The following SPAG16 variants were observed in gnomAD, a reference collection of about 807,000 sequenced individuals.
SPAG16 encodes the protein sperm-associated antigen 16 protein.
SPAG16 carries 86 observed loss-of-function variants against 80.4 expected under a neutral mutation model. That is an observed-to-expected ratio of 1.07 (90% CI 0.90 to 1.28). The LOEUF (loss-of-function observed/expected upper bound fraction) is 1.28, where lower values mean the gene tolerates loss of function less well. Ranked by LOEUF, SPAG16 falls within the 50% of genes most tolerant of loss-of-function variation. SPAG16 has a pLI of 0.00. For missense variants in SPAG16, 870 were observed against 765.3 expected, an observed-to-expected ratio of 1.14 and a Z score of -1.61; for synonymous variants, 294 against 265.9, an observed-to-expected ratio of 1.11 and a Z score of -1.03.
rs79695387 is a variant in SPAG16, at chr2:214,004,900, A to T, written c.1401-9051A>T. On this transcript the variant is annotated intron_variant, in intron 12 of 15. Transcript: ENST00000331683. ...ATATTTGTGATTACAAATATATTTTATTAAATAGGCAAATTCGCAAATATG... is the reference window on the plus strand; with the variant it reads ...ATATTTGTGATTACAAATATATTTTTTTAAATAGGCAAATTCGCAAATATG... 9.0e-3 allele frequency among the ~76,000 whole-genome samples: 1,363 copies of T among 152,278 alleles called. 32 individuals are homozygous for T. Among genetic ancestry groups the T allele is most frequent in the East Asian group, 0.084 (434 of 5,170 alleles).
rs778318735 is a variant in SPAG16, at chr2:213,296,015, A to G, written c.137-49A>G. ...TGAAGGTCAAATCAATTTTTGTGCAATAATTTTATTCTATATTTTTTGAGA... is the reference window on the plus strand; with the variant it reads ...TGAAGGTCAAATCAATTTTTGTGCAGTAATTTTATTCTATATTTTTTGAGA... On this transcript the variant is annotated intron_variant, in intron 1 of 15. Coordinates refer to ENST00000331683, the MANE Select transcript of SPAG16 (RefSeq NM_024532.5). 18 of 1,528,974 alleles carry G rather than the reference A, an allele frequency of 1.2e-5. No homozygotes were observed. In the African/African-American group the frequency reaches 1.5e-4, roughly 13 times the overall value. 94.7% of individuals were successfully genotyped at this position (1,528,974 alleles called of 1,614,324 possible).
At chr2:214,247,231 T>A (rs558959464) in intron 15 of SPAG16, among the ~76,000 whole-genome samples, 1 of 152,292 alleles carries the variant, frequency 6.6e-6, no homozygotes, top group Non-Finnish European at 1.5e-5. Context: ...GCGACTGAGA[T>A]GATATATTCC....
chr2:214,184,877 A>T (rs1455292716), intron 15 of SPAG16, among the ~76,000 whole-genome samples: 1 of 152,120 alleles, frequency 6.6e-6, no homozygotes, highest in Non-Finnish European at 1.5e-5. Context: ...TTCAAAATAA[A>T]GTCTTCACTA....
At chr2:214,261,615 TA>T (rs1691182947) in intron 15 of SPAG16, among the ~76,000 whole-genome samples, 1 of 152,234 alleles carries the variant, frequency 6.6e-6, no homozygotes, top group Admixed American at 6.5e-5. Flanking sequence ...ATTTGCCCTT[TA>T]TACATTTATT....
chr2:213,470,048 C>G (rs748783745), intron 9 of SPAG16, among the ~76,000 whole-genome samples: 2 of 152,134 alleles, frequency 1.3e-5, no homozygotes, highest in African/African-American at 2.4e-5. Flanking sequence ...GTGCCACTTC[C>G]ACTTCCACCC....
At chr2:213,500,365 C>A (rs1467577890) in intron 10 of SPAG16, among the ~76,000 whole-genome samples, 1 of 152,014 alleles carries the variant, frequency 6.6e-6, no homozygotes, top group Admixed American at 6.5e-5. Flanking sequence ...TTCAATAAGA[C>A]CACCAATAGG....
At chr2:213,689,072 G>C (rs575036494) in intron 10 of SPAG16, among the ~76,000 whole-genome samples, 1 of 152,276 alleles carries the variant, frequency 6.6e-6, no homozygotes. Context: ...CAATTCTCCT[G>C]CCTCAGCCTC....
At chr2:213,768,072 G>A (rs2069035869) in intron 10 of SPAG16, among the ~76,000 whole-genome samples, 1 of 151,912 alleles carries the variant, frequency 6.6e-6, no homozygotes, top group Non-Finnish European at 1.5e-5. Flanking sequence ...ATTATGTAAA[G>A]AAAATAAAAA....
In SPAG16 at chr2:213,284,611, A is replaced by T; in HGVS notation, c.128A>T (p.Tyr43Phe). 1 of 1,609,362 alleles carries T rather than the reference A, an allele frequency of 6.2e-7. No individual in the cohort carries two copies. Among genetic ancestry groups the T allele is most frequent in the Non-Finnish European group, 8.5e-7 (1 of 1,178,710 alleles). The stretch of plus-strand genomic sequence containing the variant: ...GCGGTGGCGGCTGAGGGCGCCTACT[A>T]CCTGGAACGTATCCTTCCCGTGGAG... ...ADAVAAEGAY[Y>F]LEQVTITEAS... The change falls in exon 1 of 16, where the codon TAC becomes TTC. Residue 43 changes from tyrosine to phenylalanine, a missense_variant. Tyr to Phe is a conservative substitution (Grantham distance 22). Coordinates refer to ENST00000331683, the MANE Select transcript of SPAG16 (RefSeq NM_024532.5).
intron 10 of SPAG16, among the ~76,000 whole-genome samples, chr2:213,764,833 T>A (rs1047827600): frequency 1.2e-4 from 18 of 152,220 alleles, no homozygotes; most frequent in African/African-American, 4.1e-4. Flanking sequence ...CATCTTGAAA[T>A]CATTTATAAT....
intron 15 of SPAG16, among the ~76,000 whole-genome samples, chr2:214,386,962 T>C (rs1267205465): frequency 6.6e-6 from 1 of 152,086 alleles, no homozygotes; most frequent in Non-Finnish European, 1.5e-5. Context: ...AACAGTCATA[T>C]ACAGGCACAC....
chr2:214,075,771 T>C (rs1319158934), intron 13 of SPAG16, among the ~76,000 whole-genome samples: 1 of 152,176 alleles, frequency 6.6e-6, no homozygotes, highest in Non-Finnish European at 1.5e-5. Flanking sequence ...TCAGTATACA[T>C]TTTTGTAGCG....
chr2:213,626,160 T>C (rs2061953873), intron 10 of SPAG16, among the ~76,000 whole-genome samples: 1 of 152,058 alleles, frequency 6.6e-6, no homozygotes, highest in African/African-American at 2.4e-5. Flanking sequence ...CAAAAAAGTG[T>C]GTTTGGAAGT....
At chr2:213,351,389 GAT>G (rs1243494033) in intron 7 of SPAG16, among the ~76,000 whole-genome samples, 1 of 152,036 alleles carries the variant, frequency 6.6e-6, no homozygotes, top group East Asian at 1.9e-4. Flanking sequence ...ACTTATATGA[GAT>G]ATTTTAATAA....
rs370115231 is a variant in SPAG16 at position 213,543,396 on chromosome 2, T to C, written c.1070+53306T>C. Among the ~76,000 whole-genome samples the C allele has an allele frequency of 3.0e-4, 45 of 152,162 alleles. 1 individual carries two copies. The South Asian group carries it at 8.7e-3, about 29-fold the overall frequency. On this transcript the variant is annotated intron_variant, in intron 10 of 15. Coordinates refer to ENST00000331683, the MANE Select transcript of SPAG16 (RefSeq NM_024532.5). Reference sequence around the variant, plus strand: ...ATTTTTTATTGGTTAATTTCAACTATGGTGTCCTTTATTGAATGGAAATGT... The same window carrying C: ...ATTTTTTATTGGTTAATTTCAACTACGGTGTCCTTTATTGAATGGAAATGT...
At chr2:213,976,969 T>C (rs1215686320) in intron 12 of SPAG16, among the ~76,000 whole-genome samples, 4 of 152,102 alleles carry the variant, frequency 2.6e-5, no homozygotes. Context: ...AACTGTGATA[T>C]AATAACTGGG....
chr2:214,204,018 G>A (rs1161289466), intron 15 of SPAG16, among the ~76,000 whole-genome samples: 1 of 152,114 alleles, frequency 6.6e-6, no homozygotes, highest in African/African-American at 2.4e-5. Flanking sequence ...CCAGCCTTTT[G>A]GGCTGCATAG....
intron 9 of SPAG16, among the ~76,000 whole-genome samples, chr2:213,475,597 A>T (rs1010184521): frequency 6.6e-6 from 1 of 152,170 alleles, no homozygotes; most frequent in African/African-American, 2.4e-5. Context: ...TGCTTATGCC[A>T]TGGTTGTGAG....
At position 213,808,016 on chromosome 2, in the gene SPAG16, A is replaced by C. The variant is rs538599280; in HGVS notation, c.1071-54469A>C. Among the ~76,000 whole-genome samples, 130 of 152,298 alleles carry C rather than the reference A, an allele frequency of 8.5e-4. 1 individual carries two copies. Among genetic ancestry groups the C allele is most frequent in the African/African-American group, 3.0e-3 (124 of 41,584 alleles). On this transcript the variant is annotated intron_variant, in intron 10 of 15. Transcript: ENST00000331683. ...AAGATGCAATACAGACTCACTTTAA[A>C]TTAGAATCAAGAAACACGGAAAGAA...
Sources: allele counts gnomAD v4.1 joint callset (sites outside exome capture counted in the v4.1 genomes callset), GRCh38; gene constraint gnomAD v4.1.1; transcripts MANE v1.5; gene names NCBI Gene and HGNC (gene_info 2026-07-23, HGNC 2026-07-21).